Variants in TNKS2 observed in about 807,000 individuals in gnomAD.
TNKS2 encodes tankyrase 2, also known as poly [ADP-ribose] polymerase tankyrase-2.
Under a neutral mutation model 137.6 loss-of-function variants are expected in TNKS2, and 72 were observed. The ratio of observed to expected loss-of-function variants is 0.52; its 90% CI spans 0.43 to 0.64. The LOEUF (loss-of-function observed/expected upper bound fraction) is 0.64, where lower values mean the gene tolerates loss of function less well. TNKS2 is among the 30% of genes least tolerant of loss of function. The pLI is 0.00. For synonymous variants in TNKS2, 516 were observed against 512.1 expected, an observed-to-expected ratio of 1.01 and a Z score of -0.10; for missense variants, 1,049 against 1,410.2, an observed-to-expected ratio of 0.74 and a Z score of 4.10.
At chr10:91,854,657 A>G (rs953418442) in intron 21 of TNKS2, among the ~76,000 whole-genome samples, 1 of 152,114 alleles carries the variant, frequency 6.6e-6, no homozygotes, top group African/African-American at 2.4e-5. Flanking sequence ...TAATCCCAGC[A>G]CTTTGGGAGG....
At chr10:91,837,855 A>G (rs575865445) in intron 13 of TNKS2, among the ~76,000 whole-genome samples, 70 of 152,200 alleles carry the variant, frequency 4.6e-4, no homozygotes, top group South Asian at 1.2e-3. Flanking sequence ...ATTATTTGAC[A>G]TGTTTTTATT....
At chr10:91,837,405 C>A (rs1564620283) in intron 13 of TNKS2, among the ~76,000 whole-genome samples, 1 of 152,198 alleles carries the variant, frequency 6.6e-6, no homozygotes, top group Non-Finnish European at 1.5e-5. Flanking sequence ...CATTTCTTCA[C>A]CCCATCTACC....
At chr10:91,801,666 G>T (rs1005336332) in intron 1 of TNKS2, among the ~76,000 whole-genome samples, 2 of 149,746 alleles carry the variant, frequency 1.3e-5, no homozygotes, top group African/African-American at 4.9e-5. Context: ...TAGAGACAGG[G>T]TTTCAACATG....
At chr10:91,826,378 A>G (rs191798918) in intron 7 of TNKS2, among the ~76,000 whole-genome samples, 47 of 152,296 alleles carry the variant, frequency 3.1e-4, no homozygotes, top group Admixed American at 1.0e-3. Flanking sequence ...CATTAACAGG[A>G]TGATAAATAA....
Position 91,848,530 on chromosome 10 carries a change from T to C in TNKS2, c.2506T>C (p.Ser836Pro). Residue 836 changes from serine to proline, a missense_variant, in exon 19 of 27, where the codon TCT becomes CCT. Transcript: ENST00000371627. The stretch of plus-strand genomic sequence containing the variant: ...AGGTCCATCTAGCCCATCAAGCCTT[T>C]CTGCAGCCAGCAGTCTTGACAACTT... ...SSGPSSPSSL[S>P]AASSLDNLSG... The C allele has an allele frequency of 1.2e-6, 2 of 1,614,172 alleles. No homozygotes were observed. The highest frequency in any genetic ancestry group is 1.7e-6 in the Non-Finnish European group (2 of 1,180,020).
At chr10:91,822,191 A>T (rs1844911570) in intron 6 of TNKS2, 105 bp from the exon 7 acceptor site, 18 of 854,882 alleles carry the variant, frequency 2.1e-5, no homozygotes, top group Non-Finnish European at 3.0e-5. Flanking sequence ...CACATAATCC[A>T]TTTGCTATTT....
intron 9 of TNKS2, 80 bp from the exon 10 acceptor site, chr10:91,830,843 T>G (rs1289631878): frequency 8.5e-7 from 1 of 1,174,664 alleles, no homozygotes; most frequent in African/African-American, 1.6e-5. Context: ...ACTACTTGAT[T>G]GTTCTTGATT....
At chr10:91,837,835 A>G (rs895366915) in intron 13 of TNKS2, among the ~76,000 whole-genome samples, 1 of 152,184 alleles carries the variant, frequency 6.6e-6, no homozygotes, top group Non-Finnish European at 1.5e-5. Context: ...TGCAACTATC[A>G]TGCAGTTTTA....
At chr10:91,801,979 G>A (rs1434376205) in intron 1 of TNKS2, among the ~76,000 whole-genome samples, 1 of 152,196 alleles carries the variant, frequency 6.6e-6, no homozygotes, top group African/African-American at 2.4e-5. Context: ...TGGGGAGAAA[G>A]TTATCTTGAT....
At chr10:91,856,390 C>A (rs1368875683) in intron 23 of TNKS2, among the ~76,000 whole-genome samples, 1 of 152,186 alleles carries the variant, frequency 6.6e-6, no homozygotes, top group Non-Finnish European at 1.5e-5. Flanking sequence ...AAATGCTAAA[C>A]TCTGAACAGT....
intron 1 of TNKS2, among the ~76,000 whole-genome samples, chr10:91,809,832 C>T (rs1372770796): frequency 2.0e-5 from 3 of 152,084 alleles, no homozygotes; most frequent in African/African-American, 4.8e-5. Flanking sequence ...GGCAAATAGT[C>T]ACTGCCCTAA....
intron 13 of TNKS2, among the ~76,000 whole-genome samples, chr10:91,839,669 C>T (rs1445915726): frequency 3.9e-5 from 6 of 152,182 alleles, no homozygotes; most frequent in African/African-American, 1.2e-4. Context: ...CAGCATCACC[C>T]AAGAACTTGT....
chr10:91,821,283 C>T (rs189363786), intron 6 of TNKS2, among the ~76,000 whole-genome samples: 3 of 152,036 alleles, frequency 2.0e-5, no homozygotes, highest in African/African-American at 2.4e-5. Flanking sequence ...TCACCTGGCT[C>T]GGCCTCCCAA....
chr10:91,808,136 C>G (rs909605869), intron 1 of TNKS2, among the ~76,000 whole-genome samples: 1 of 151,578 alleles, frequency 6.6e-6, no homozygotes, highest in Non-Finnish European at 1.5e-5. Context: ...GGAGATAGAC[C>G]AACTAAATGG....
intron 26 of TNKS2, 109 bp from the exon 27 acceptor site, chr10:91,862,828 C>T: frequency 5.7e-6 from 4 of 700,338 alleles, no homozygotes; most frequent in Non-Finnish European, 9.8e-6. Context: ...TTCTGATCTA[C>T]AACAGTAATT....
chr10:91,845,790 A>G lies in TNKS2; in HGVS notation c.2208A>G (p.Ala736=). Residue 736 remains alanine, a synonymous_variant, in exon 18 of 27, where the codon GCA becomes GCG. Coordinates refer to ENST00000371627, the MANE Select transcript of TNKS2 (RefSeq NM_025235.4). The part of the protein sequence containing the change: ...DVAALLIKYN[A]CVNATDKWAF... ...CAGCTCTACTAATAAAGTATAATGCATGTGTCAATGCCACGGACAAATGGG... is the reference window on the plus strand; with the variant it reads ...CAGCTCTACTAATAAAGTATAATGCGTGTGTCAATGCCACGGACAAATGGG... The G allele has an allele frequency of 6.3e-7, 1 of 1,599,450 alleles. No homozygotes were observed. The highest frequency in any genetic ancestry group is 1.3e-5 in the African/African-American group (1 of 74,866).
chr10:91,843,855 G>C (rs776920165), intron 16 of TNKS2, among the ~76,000 whole-genome samples: 5 of 152,130 alleles, frequency 3.3e-5, no homozygotes, highest in Non-Finnish European at 5.9e-5. Flanking sequence ...ATTATAACTT[G>C]GTGTTATACA....
intron 9 of TNKS2, 59 bp from the exon 10 acceptor site, chr10:91,830,864 A>G (rs927624550): frequency 2.2e-5 from 29 of 1,343,818 alleles, no homozygotes; most frequent in Admixed American, 9.6e-5. Flanking sequence ...GGAAACACGA[A>G]TGTTCTTAAA....
chr10:91,848,656 A>G (rs996828701), intron 19 of TNKS2, 21 bp downstream of exon 19: 51 of 1,611,690 alleles, frequency 3.2e-5, no homozygotes, highest in Middle Eastern at 1.7e-4. Flanking sequence ...CTACAAAAAT[A>G]ACTTTCTAAC....
Sources: gnomAD v4.1 joint callset for allele counts (sites outside exome capture counted in the v4.1 genomes callset) on GRCh38, gnomAD v4.1.1 for gene constraint, MANE v1.5 for transcripts, NCBI Gene and HGNC (gene_info 2026-07-23, HGNC 2026-07-21) for gene names.